The following MGAT4C variants were observed in gnomAD, a reference collection of about 807,000 sequenced individuals.
MGAT4C encodes the protein MGAT4 family member C.
MGAT4C carries 19 observed loss-of-function variants against 40.1 expected under a neutral mutation model. The observed-to-expected ratio is 0.47, with a 90% confidence interval of 0.33 to 0.70. The LOEUF (loss-of-function observed/expected upper bound fraction) is 0.70, where lower values mean the gene tolerates loss of function less well. MGAT4C is among the 30% of genes least tolerant of loss of function. MGAT4C has a pLI of 0.02. For missense variants in MGAT4C, 491 were observed against 563.2 expected, an observed-to-expected ratio of 0.87 and a Z score of 1.30; for synonymous variants, 181 against 187.1, an observed-to-expected ratio of 0.97 and a Z score of 0.27.
intron 1 of MGAT4C, among the ~76,000 whole-genome samples, chr12:86,213,871 G>A (rs946430343): frequency 4.6e-5 from 7 of 152,188 alleles, no homozygotes; most frequent in African/African-American, 1.4e-4. Flanking sequence ...GTATCTTTAT[G>A]TGACTGCCTG....
intron 4 of MGAT4C, among the ~76,000 whole-genome samples, chr12:86,269,497 G>T (rs950985410): frequency 6.6e-6 from 1 of 151,252 alleles, no homozygotes; most frequent in African/African-American, 2.4e-5. Flanking sequence ...CAGTCCTGTG[G>T]CACTTAGGAC....
intron 1 of MGAT4C, among the ~76,000 whole-genome samples, chr12:86,051,258 C>T (rs1892864340): frequency 6.6e-6 from 1 of 151,896 alleles, no homozygotes; most frequent in Non-Finnish European, 1.5e-5. Flanking sequence ...TAGTGATGTA[C>T]CTTTAAATAT....
At chr12:86,122,484 TTA>T (rs1295581767) in intron 1 of MGAT4C, among the ~76,000 whole-genome samples, 2 of 152,280 alleles carry the variant, frequency 1.3e-5, no homozygotes, top group East Asian at 3.9e-4. Flanking sequence ...TGCTTAAAAT[TTA>T]TATGACACTT....
chr12:86,725,822 C>T (rs1340595332), intron 2 of MGAT4C, among the ~76,000 whole-genome samples: 1 of 152,256 alleles, frequency 6.6e-6, no homozygotes, highest in East Asian at 1.9e-4. Flanking sequence ...GATTAAAATA[C>T]AGTAGACACA....
chr12:86,653,960 A>T (rs1963770249), intron 2 of MGAT4C, among the ~76,000 whole-genome samples: 1 of 152,028 alleles, frequency 6.6e-6, no homozygotes, highest in Admixed American at 6.6e-5. Flanking sequence ...ATTGAATAAG[A>T]AATGTGGTTT....
chr12:86,584,575 G>A (rs1960927850), intron 2 of MGAT4C, among the ~76,000 whole-genome samples: 1 of 151,134 alleles, frequency 6.6e-6, no homozygotes. Context: ...TTCAAATAAA[G>A]TATAATAAAA....
At chr12:86,238,260 G>A (rs1023471326) in intron 1 of MGAT4C, among the ~76,000 whole-genome samples, 5 of 151,916 alleles carry the variant, frequency 3.3e-5, no homozygotes, top group Admixed American at 2.6e-4. Context: ...GACTGAACAC[G>A]TGGAAGATGC....
At chr12:86,070,703 T>C (rs570069648) in intron 1 of MGAT4C, among the ~76,000 whole-genome samples, 1 of 152,174 alleles carries the variant, frequency 6.6e-6, no homozygotes, top group African/African-American at 2.4e-5. Context: ...TGTATTTGAA[T>C]GAAGTATATC....
chr12:86,599,604 G>C (rs1961687092), intron 2 of MGAT4C: 1 of 152,118 alleles, frequency 6.6e-6, no homozygotes, highest in Non-Finnish European at 1.5e-5. Context: ...ACAGTCTAAA[G>C]TATCACATAT....
chr12:86,821,215 C>T (rs1952699336), intron 1 of MGAT4C, among the ~76,000 whole-genome samples: 1 of 150,748 alleles, frequency 6.6e-6, no homozygotes, highest in Non-Finnish European at 1.5e-5. Context: ...AGAGACCTTG[C>T]AATGTATTCT....
chr12:86,182,293 C>T lies in MGAT4C; in HGVS notation c.-57+73946G>A, dbSNP rs540154477. Among the ~76,000 whole-genome samples the T allele has an allele frequency of 2.2e-4, 34 of 152,108 alleles. No homozygotes were observed. In the South Asian group the frequency reaches 6.2e-3, roughly 28 times the overall value. On this transcript the variant is annotated intron_variant, in intron 1 of 4. Coordinates refer to ENST00000611864, the MANE Select transcript of MGAT4C (RefSeq NM_001351288.2). ...CTCATCATCATAGTCTACCTTGTGTCGGGGCTGTTTTCAAATAAAGCAGGT... is the reference window on the plus strand; with the variant it reads ...CTCATCATCATAGTCTACCTTGTGTTGGGGCTGTTTTCAAATAAAGCAGGT...
chr12:86,142,751 G>C (rs1331452256), intron 1 of MGAT4C, among the ~76,000 whole-genome samples: 1 of 150,646 alleles, frequency 6.6e-6, no homozygotes, highest in Non-Finnish European at 1.5e-5. Flanking sequence ...GGGGGTTGTC[G>C]AGGCTTCAGT....
intron 2 of MGAT4C, among the ~76,000 whole-genome samples, chr12:86,613,108 A>G (rs1724198381): frequency 6.6e-6 from 1 of 152,160 alleles, no homozygotes; most frequent in Non-Finnish European, 1.5e-5. Flanking sequence ...AACTTCTACA[A>G]TTATATATCT....
At chr12:86,347,087 A>G (rs1423207660) in intron 3 of MGAT4C, among the ~76,000 whole-genome samples, 1 of 152,056 alleles carries the variant, frequency 6.6e-6, no homozygotes, top group Non-Finnish European at 1.5e-5. Flanking sequence ...ACTTGGACTG[A>G]TCCACCACTG....
In MGAT4C at chr12:86,811,028, A is replaced by AGCAATGTAAGCACTTCATGCT. The variant is rs1566006314; in HGVS notation, c.-262+27637_-262+27638insAGCATGAAGTGCTTACATTGC. Among the ~76,000 whole-genome samples, 196 of 84,350 alleles carry AGCAATGTAAGCACTTCATGCT rather than the reference A, an allele frequency of 2.3e-3. 21 individuals carry two copies. Among genetic ancestry groups the AGCAATGTAAGCACTTCATGCT allele is most frequent in the Middle Eastern group, 7.0e-3 (1 of 142 alleles). The allele number at this position is 84,350 out of a possible 152,430, so 55.3% of individuals were successfully genotyped here. On this transcript the variant is annotated intron_variant, in intron 1 of 7. Transcript: ENST00000548651. The stretch of plus-strand genomic sequence containing the variant: ...TTTTGATTTGAGACTAGTCCTTGTC[A>AGCAATGTAAGCACTTCATGCT]AAGATTTTATATTTGACATAAACTA...
intron 1 of MGAT4C, among the ~76,000 whole-genome samples, chr12:86,126,111 T>C (rs933767546): frequency 6.6e-6 from 1 of 152,000 alleles, no homozygotes; most frequent in Non-Finnish European, 1.5e-5. Context: ...TAACTATATG[T>C]CATTTATTAA....
chr12:86,687,187 A>C (rs1335655981), intron 2 of MGAT4C, among the ~76,000 whole-genome samples: 2 of 151,934 alleles, frequency 1.3e-5, no homozygotes, highest in Non-Finnish European at 2.9e-5. Flanking sequence ...ATCAGTGTTG[A>C]TATCCCCTTT....
At chr12:86,080,549 C>A (rs2135541367) in intron 1 of MGAT4C, among the ~76,000 whole-genome samples, 1 of 152,222 alleles carries the variant, frequency 6.6e-6, no homozygotes, top group East Asian at 1.9e-4. Flanking sequence ...GTGCTTTAAT[C>A]TGGTTATAAA....
At chr12:86,305,077 GA>G (rs1356693075) in intron 4 of MGAT4C, among the ~76,000 whole-genome samples, 1 of 150,570 alleles carries the variant, frequency 6.6e-6, no homozygotes, top group Non-Finnish European at 1.5e-5. Context: ...TTTTAATTCT[GA>G]TTTAAATTAG....
Sources: gnomAD v4.1 joint callset for allele counts (sites outside exome capture counted in the v4.1 genomes callset) on GRCh38, gnomAD v4.1.1 for gene constraint, MANE v1.5 for transcripts, NCBI Gene and HGNC (gene_info 2026-07-23, HGNC 2026-07-21) for gene names.